The following ADGRL2 variants were observed in gnomAD, a reference collection of about 807,000 sequenced individuals.
The protein encoded by ADGRL2 is adhesion G protein-coupled receptor L2.
In ADGRL2, 44 loss-of-function variants were observed where a neutral mutation model predicts 157.4. The ratio of observed to expected loss-of-function variants is 0.28; its 90% CI spans 0.22 to 0.36. The LOEUF is 0.36. Among genes scored for constraint, ADGRL2 ranks in the 10% least tolerant of loss-of-function variants. ADGRL2 has a pLI of 1.00. For missense variants in ADGRL2, 1,510 were observed against 1,768.9 expected, an observed-to-expected ratio of 0.85 and a Z score of 2.63; for synonymous variants, 585 against 624.7, an observed-to-expected ratio of 0.94 and a Z score of 0.95.
At chr1:81,574,098 A>G (rs1381138096) in intron 2 of ADGRL2, among the ~76,000 whole-genome samples, 12 of 152,182 alleles carry the variant, frequency 7.9e-5, no homozygotes, top group South Asian at 6.2e-4. Flanking sequence ...GTGGATATCA[A>G]ACAGACACCT....
At chr1:81,762,773 C>T (rs1034762462) in intron 2 of ADGRL2, among the ~76,000 whole-genome samples, 1 of 151,950 alleles carries the variant, frequency 6.6e-6, no homozygotes, top group Admixed American at 6.6e-5. Context: ...ACACAAAAGG[C>T]CAGGCGCGGT....
rs117498863 is a variant in ADGRL2, at chr1:81,469,306, G to T, written c.-248+24217G>T. 8.1e-4 allele frequency among the ~76,000 whole-genome samples: 124 copies of T among 152,208 alleles called. 4 individuals are homozygous for T. The East Asian group carries it at 0.022, about 27-fold the overall frequency. On this transcript the variant is annotated intron_variant, in intron 2 of 24. Transcript: ENST00000370721. ...GCACCAGTGTCCTCTCCTATACATG[G>T]TTTTTTAAAAATGCTTCTCCATCTT...
At chr1:81,507,213 C>T (rs1253218456) in intron 2 of ADGRL2, among the ~76,000 whole-genome samples, 1 of 151,788 alleles carries the variant, frequency 6.6e-6, no homozygotes, top group Non-Finnish European at 1.5e-5. Flanking sequence ...TGCTGGAGGA[C>T]CAATGGAAGC....
rs114528966 is a variant in ADGRL2, at chr1:81,549,335, G to A, written c.-247-31541G>A. Among the ~76,000 whole-genome samples the A allele has an allele frequency of 1.9e-3, 293 of 152,248 alleles. 2 individuals are homozygous for A. Among genetic ancestry groups the A allele is most frequent in the African/African-American group, 6.9e-3 (285 of 41,566 alleles). ...AAAACAAAGGAAAGGAAGAATGCTC[G>A]AATAAATGCTGGGAGACCTAGATTC... is the stretch of plus-strand genomic sequence containing the variant. On this transcript the variant is annotated intron_variant, in intron 2 of 24. Transcript: ENST00000370721.
chr1:81,661,060 T>C (rs1278177930), intron 3 of ADGRL2, among the ~76,000 whole-genome samples: 1 of 152,236 alleles, frequency 6.6e-6, no homozygotes, highest in Non-Finnish European at 1.5e-5. Flanking sequence ...TTTTAACTAC[T>C]ATGTTTAATT....
At chr1:81,966,939 A>C (rs1657228584) in intron 13 of ADGRL2, among the ~76,000 whole-genome samples, 1 of 152,206 alleles carries the variant, frequency 6.6e-6, no homozygotes, top group Non-Finnish European at 1.5e-5. Flanking sequence ...TAGCAGCAGG[A>C]TAGCTGAGTA....
intron 23 of ADGRL2, chr1:81,990,018 T>C: frequency 1.0e-6 from 1 of 984,728 alleles, no homozygotes; most frequent in Non-Finnish European, 1.2e-6. Context: ...CATAGTCTTG[T>C]ACTTTAAAAT....
intron 11 of ADGRL2, among the ~76,000 whole-genome samples, chr1:81,959,086 G>T (rs542147670): frequency 6.6e-6 from 1 of 152,200 alleles, no homozygotes; most frequent in Admixed American, 6.5e-5. Context: ...ATTTTTGGCT[G>T]CCATTTTTCC....
intron 3 of ADGRL2, chr1:81,596,536 T>A: frequency 2.9e-6 from 1 of 350,062 alleles, no homozygotes; most frequent in Admixed American, 3.1e-5. Flanking sequence ...GACCGACTTG[T>A]TCCTTGGCAA....
At chr1:81,972,884 C>G (rs1659145652) in intron 17 of ADGRL2, among the ~76,000 whole-genome samples, 1 of 147,128 alleles carries the variant, frequency 6.8e-6, no homozygotes, top group Non-Finnish European at 1.5e-5. Context: ...TGCACCCCAG[C>G]CTGGGCAACA....
At chr1:81,429,878 G>GT (rs1291982417) in intron 1 of ADGRL2, among the ~76,000 whole-genome samples, 1 of 151,948 alleles carries the variant, frequency 6.6e-6, no homozygotes, top group Non-Finnish European at 1.5e-5. Context: ...TTTTGTTTTT[G>GT]TTTTTTGTTT....
chr1:81,393,891 A>T (rs1402624493), intron 1 of ADGRL2, among the ~76,000 whole-genome samples: 5 of 150,584 alleles, frequency 3.3e-5, no homozygotes, highest in African/African-American at 1.2e-4. Context: ...TCTGAATATG[A>T]AAGTATTAAC....
chr1:81,970,587 C>A, intron 16 of ADGRL2, 53 bp downstream of exon 16: 2 of 1,406,064 alleles, frequency 1.4e-6, no homozygotes, highest in Admixed American at 1.8e-5. Context: ...TTTTTTAAAG[C>A]CTGTTAGCTG....
intron 2 of ADGRL2, among the ~76,000 whole-genome samples, chr1:81,845,463 A>G (rs1041088526): frequency 2.6e-5 from 4 of 152,050 alleles, no homozygotes; most frequent in African/African-American, 7.2e-5. Context: ...ATATAAATCC[A>G]TGCACTTTAC....
intron 1 of ADGRL2, among the ~76,000 whole-genome samples, chr1:81,346,876 C>T (rs964788271): frequency 1.3e-5 from 2 of 152,036 alleles, no homozygotes; most frequent in African/African-American, 4.8e-5. Context: ...GTAACAAATA[C>T]CTAAAAATGT....
chr1:81,383,924 A>G (rs2076389402), intron 1 of ADGRL2, among the ~76,000 whole-genome samples: 1 of 149,226 alleles, frequency 6.7e-6, no homozygotes, highest in Non-Finnish European at 1.5e-5. Flanking sequence ...ACTGCACTCC[A>G]GCCTGGGCAA....
At chr1:81,381,958 C>T (rs997032188) in intron 1 of ADGRL2, among the ~76,000 whole-genome samples, 7 of 152,112 alleles carry the variant, frequency 4.6e-5, no homozygotes, top group Non-Finnish European at 7.4e-5. Context: ...GGAGGTCATG[C>T]CCTTCGTTGT....
intron 2 of ADGRL2, among the ~76,000 whole-genome samples, chr1:81,790,477 T>C (rs1236503685): frequency 6.6e-6 from 1 of 152,230 alleles, no homozygotes; most frequent in Non-Finnish European, 1.5e-5. Context: ...ACAAAAATAT[T>C]TCAATTAATT....
At chr1:81,311,496 T>C (rs937872711) in intron 1 of ADGRL2, among the ~76,000 whole-genome samples, 1 of 152,192 alleles carries the variant, frequency 6.6e-6, no homozygotes, top group African/African-American at 2.4e-5. Context: ...TTAATCTGTG[T>C]CCTTCACAGT....
Sources: gnomAD v4.1 joint callset for allele counts (sites outside exome capture counted in the v4.1 genomes callset) on GRCh38, gnomAD v4.1.1 for gene constraint, MANE v1.5 for transcripts, NCBI Gene and HGNC (gene_info 2026-07-23, HGNC 2026-07-21) for gene names.